The following DPH3 variants were observed in gnomAD, a reference collection of about 807,000 sequenced individuals.
The protein encoded by DPH3 is diphthamide biosynthesis protein 3.
Under a neutral mutation model 10.2 loss-of-function variants are expected in DPH3, and 8 were observed. The observed-to-expected ratio is 0.79, with a 90% CI of 0.46 to 1.42. The LOEUF is 1.42. DPH3 is among the 40% of genes most tolerant of loss of function. The pLI, the probability that DPH3 is intolerant of heterozygous loss-of-function variation, is 0.00. For missense variants in DPH3, 96 were observed against 98.9 expected (o/e 0.97, Z 0.12); for synonymous variants, 35 against 35.6 (o/e 0.98, Z 0.06).
rs2064296422 is a variant in DPH3, at chr3:16,262,144, C to A, written c.184-1315G>T. Among the ~76,000 whole-genome samples, 1 of 152,218 alleles carries A rather than the reference C, an allele frequency of 6.6e-6. No homozygotes were observed. The highest frequency in any genetic ancestry group is 2.4e-5 in the African/African-American group (1 of 41,458). The stretch of plus-strand genomic sequence containing the variant: ...GGCTGAATTTCTACCACCTTAAACC[C>A]TCTCTTGATCCTCTATCACCACTGG... On this transcript the variant is annotated intron_variant, in intron 2 of 2. Transcript: ENST00000488423. The surrounding 1 kb of genome is among the most constrained non-coding windows in gnomAD (Gnocchi z 4.7).
intron 1 of DPH3, 55 bp from the exon 2 acceptor site, chr3:16,264,284 C>A (rs1043743039): frequency 7.0e-6 from 10 of 1,422,690 alleles, no homozygotes; most frequent in Non-Finnish European, 9.7e-6. Context: ...GCCATCTCCT[C>A]CCCCAAACCT....
At chr3:16,264,516 G>A in intron 1 of DPH3, 1 of 576,908 alleles carries the variant, frequency 1.7e-6, no homozygotes, top group Non-Finnish European at 3.1e-6. Context: ...GGGACCCTAA[G>A]GCAGGGATCG....
intron 2 of DPH3, 90 bp from the exon 3 acceptor site, chr3:16,260,919 C>G: frequency 8.7e-7 from 1 of 1,144,142 alleles, no homozygotes; most frequent in Non-Finnish European, 1.3e-6. Flanking sequence ...AGCATCAATC[C>G]AGCGCTGTTA....
chr3:16,259,277 ACT>A lies in DPH3; in HGVS notation c.*1485_*1486del, dbSNP rs1177316880. 2 of 152,230 alleles carry A rather than the reference ACT, an allele frequency of 1.3e-5. No individual in the cohort carries two copies. Among genetic ancestry groups the A allele is most frequent in the Non-Finnish European group, 2.9e-5 (2 of 68,036 alleles). The allele number at this position is 152,230 out of a possible 1,614,324, so 9.4% of individuals were successfully genotyped here. A position where few individuals can be genotyped will look rare whatever the true frequency, so the allele number is the denominator to read the frequency against. ...ACATCCAGAATATGCCACATAATGT[ACT>A]GAGCATTTTCAGCTCGGTACATTAT... On this transcript the variant is annotated 3_prime_UTR_variant, in exon 3 of 3. Transcript: ENST00000488423.
chr3:16,257,547 C>A lies in DPH3; in HGVS notation c.*3217G>T, dbSNP rs2064259910. Among the ~76,000 whole-genome samples the A allele has an allele frequency of 6.6e-6, 1 of 152,200 alleles. No individual in the cohort carries two copies. Among genetic ancestry groups the A allele is most frequent in the South Asian group, 2.1e-4 (1 of 4,826 alleles). Reference sequence around the variant, plus strand: ...CAGAATGAATGGGTTCACACAGCAACCCTGTCAAAGAGGTACTATGATCCA... The same window carrying A: ...CAGAATGAATGGGTTCACACAGCAAACCTGTCAAAGAGGTACTATGATCCA... On this transcript the variant is annotated 3_prime_UTR_variant, in exon 3 of 3. Coordinates refer to ENST00000488423, the MANE Select transcript of DPH3 (RefSeq NM_206831.3).
chr3:16,263,783 C>T lies in DPH3; in HGVS notation c.183+372G>A, dbSNP rs577355400. The stretch of plus-strand genomic sequence containing the variant: ...GCAGAATTCTGTGTATAAGCCAGCA[C>T]GAAATACCATACAATTGTTCCCTTC... On this transcript the variant is annotated intron_variant, in intron 2 of 2. Transcript: ENST00000488423. This position sits in a 1 kb window ranked among gnomAD's most constrained non-coding sequence, Gnocchi z 4.0. Among the ~76,000 whole-genome samples the T allele has an allele frequency of 1.3e-5, 2 of 152,184 alleles. No individual in the cohort carries two copies. The highest frequency in any genetic ancestry group is 2.4e-5 in the African/African-American group (1 of 41,502).
Position 16,260,153 on chromosome 3 carries a change from C to A in DPH3, c.*611G>T, listed in dbSNP as rs989563829. ...ACTTTTAGCTCTGGAGACATTGTGACCTCACTGTATTTTCTCTTTAATACT... is the reference window on the plus strand; with the variant it reads ...ACTTTTAGCTCTGGAGACATTGTGAACTCACTGTATTTTCTCTTTAATACT... On this transcript the variant is annotated 3_prime_UTR_variant, in exon 3 of 3. Transcript: ENST00000488423. 2 of 152,214 alleles carry A rather than the reference C, an allele frequency of 1.3e-5. No individual in the cohort carries two copies. Among genetic ancestry groups the A allele is most frequent in the African/African-American group, 4.8e-5 (2 of 41,444 alleles). 9.4% of individuals were successfully genotyped at this position (152,214 alleles called of 1,614,324 possible).
In DPH3 at chr3:16,263,668, A is replaced by G. The variant is rs1204383787; in HGVS notation, c.183+487T>C. ...AATAACATTTTTTTTTTCTATTGTC[A>G]ACATCCTTGGGTGAAAGATAATAGG... On this transcript the variant is annotated intron_variant, in intron 2 of 2. Transcript: ENST00000488423. This position sits in a 1 kb window ranked among gnomAD's most constrained non-coding sequence, Gnocchi z 4.0. 2.6e-5 allele frequency among the ~76,000 whole-genome samples: 4 copies of G among 152,186 alleles called. No homozygotes were observed. Among genetic ancestry groups the G allele is most frequent in the Non-Finnish European group, 5.9e-5 (4 of 67,998 alleles).
rs2124929569 is a variant in DPH3 at position 16,257,185 on chromosome 3, A to G, written c.*3579T>C. On this transcript the variant is annotated 3_prime_UTR_variant, in exon 3 of 3. Transcript: ENST00000488423. ...AATTCCTTTCGGAGTTAGAATAGTT[A>G]ACCATTTTTTGCACATGACAGGCAT... Among the ~76,000 whole-genome samples, 1 of 152,366 alleles carries G rather than the reference A, an allele frequency of 6.6e-6. No homozygotes were observed. Among genetic ancestry groups the G allele is most frequent in the Non-Finnish European group, 1.5e-5 (1 of 68,032 alleles).
At position 16,261,780 on chromosome 3, in the gene DPH3, G is replaced by A. The variant is rs2064293965; in HGVS notation, c.184-951C>T. On this transcript the variant is annotated intron_variant, in intron 2 of 2. Transcript: ENST00000488423. This position sits in a 1 kb window ranked among gnomAD's most constrained non-coding sequence, Gnocchi z 7.1. Reference sequence around the variant, plus strand: ...CTGTGTTCTCAGAGTCCTAGTACCAGAGGGATTGGAAGTGGGGCTAGTTCC... The same window carrying A: ...CTGTGTTCTCAGAGTCCTAGTACCAAAGGGATTGGAAGTGGGGCTAGTTCC... Among the ~76,000 whole-genome samples the A allele has an allele frequency of 6.6e-6, 1 of 152,166 alleles. No individual in the cohort carries two copies. Among genetic ancestry groups the A allele is most frequent in the Admixed American group, 6.5e-5 (1 of 15,274 alleles).
chr3:16,263,403 A>G lies in DPH3; in HGVS notation c.183+752T>C, dbSNP rs890654952. Among the ~76,000 whole-genome samples the G allele has an allele frequency of 6.6e-6, 1 of 152,194 alleles. No individual in the cohort carries two copies. Among genetic ancestry groups the G allele is most frequent in the Non-Finnish European group, 1.5e-5 (1 of 68,038 alleles). The stretch of plus-strand genomic sequence containing the variant: ...ATGGAAAACTGCAACTTCCTCCCAG[A>G]CCAGCACTCCTGATCTTCCTTACCG... On this transcript the variant is annotated intron_variant, in intron 2 of 2. Coordinates refer to ENST00000488423, the MANE Select transcript of DPH3 (RefSeq NM_206831.3). This position sits in a 1 kb window ranked among gnomAD's most constrained non-coding sequence, Gnocchi z 4.0.
Position 16,260,569 on chromosome 3 carries a change from T to G in DPH3, c.*195A>C, listed in dbSNP as rs2064285685. 2 of 495,868 alleles carry G rather than the reference T, an allele frequency of 4.0e-6. No homozygotes were observed. The highest frequency in any genetic ancestry group is 7.4e-6 in the Non-Finnish European group (2 of 270,552). The allele number at this position is 495,868 out of a possible 1,614,324, so 30.7% of individuals were successfully genotyped here. On this transcript the variant is annotated 3_prime_UTR_variant, in exon 3 of 3. Transcript: ENST00000488423. ...TAAGAATGCTTCCAATTTAAGGTTC[T>G]AAGCACAAAATCCAGATATGTCATG...
In DPH3 at chr3:16,264,842, T is replaced by G. The variant is rs764310617; in HGVS notation, c.35A>C (p.Asp12Ala). Residue 12 changes from aspartate (D) to alanine (A), a missense_variant, in exon 1 of 3, where the codon GAC becomes GCC. Asp to Ala is a moderately radical substitution (Grantham distance 126, BLOSUM62 -2). Transcript: ENST00000488423. ...CTCCGAGTCCTCGTCATATTGGAAGTCCTCGATTTCCACCTCGTCATGAAA... is the reference window on the plus strand; with the variant it reads ...CTCCGAGTCCTCGTCATATTGGAAGGCCTCGATTTCCACCTCGTCATGAAA... The part of the protein sequence containing the change: ...AVFHDEVEIE[D>A]FQYDEDSETY... The G allele has an allele frequency of 1.9e-5, 31 of 1,614,214 alleles. No individual in the cohort carries two copies. In the Admixed American group the frequency reaches 5.2e-4, roughly 27 times the overall value.
chr3:16,258,376 A>T lies in DPH3; in HGVS notation c.*2388T>A, dbSNP rs887876987. On this transcript the variant is annotated 3_prime_UTR_variant, in exon 3 of 3. Coordinates refer to ENST00000488423, the MANE Select transcript of DPH3 (RefSeq NM_206831.3). ...AGATTACGAAGCTAAAAAGAGACAT[A>T]GCCTGGATTACAAGTCAGTTTTTAT... The T allele has an allele frequency of 6.6e-6, 1 of 152,234 alleles. No individual in the cohort carries two copies. Among genetic ancestry groups the T allele is most frequent in the Non-Finnish European group, 1.5e-5 (1 of 68,048 alleles). 9.4% of individuals were successfully genotyped at this position (152,234 alleles called of 1,614,324 possible). A position where few individuals can be genotyped will look rare whatever the true frequency, so the allele number is the denominator to read the frequency against.
chr3:16,263,479 TTCTAAATTATAG>T lies in DPH3; in HGVS notation c.183+664_183+675del, dbSNP rs2064322027. On this transcript the variant is annotated intron_variant, in intron 2 of 2. Coordinates refer to ENST00000488423, the MANE Select transcript of DPH3 (RefSeq NM_206831.3). This position sits in a 1 kb window ranked among gnomAD's most constrained non-coding sequence, Gnocchi z 4.0. ...TTAATACAAGAATGAATCATTATAT[TTCTAAATTATAG>T]TCTAAATTATAGCCCGCTTCTCTCA... 6.6e-6 allele frequency among the ~76,000 whole-genome samples: 1 copy of T among 152,212 alleles called. No homozygotes were observed. Among genetic ancestry groups the T allele is most frequent in the Non-Finnish European group, 1.5e-5 (1 of 68,032 alleles).
chr3:16,259,199 T>A lies in DPH3; in HGVS notation c.*1565A>T, dbSNP rs545314372. The A allele has an allele frequency of 6.6e-6, 1 of 152,372 alleles. No homozygotes were observed. The highest frequency in any genetic ancestry group is 1.9e-4 in the East Asian group (1 of 5,188). The allele number at this position is 152,372 out of a possible 1,614,324, so 9.4% of individuals were successfully genotyped here. On this transcript the variant is annotated 3_prime_UTR_variant, in exon 3 of 3. Transcript: ENST00000488423. Reference sequence around the variant, plus strand: ...AGTCACTTTGCTTTTGCAAAGCAGTTGTGGATTACTTCTGGGATGTCAGTG... The same window carrying A: ...AGTCACTTTGCTTTTGCAAAGCAGTAGTGGATTACTTCTGGGATGTCAGTG...
In DPH3 at chr3:16,257,090, T is replaced by TA. The variant is rs2064254809; in HGVS notation, c.*3673dup. The stretch of plus-strand genomic sequence containing the variant: ...GAGCCAAATTAACCTTTATTCTTGA[T>TA]AAATTATCCAGTCTCAGGTATTGTT... On this transcript the variant is annotated 3_prime_UTR_variant, in exon 3 of 3. Transcript: ENST00000488423. 6.6e-6 allele frequency among the ~76,000 whole-genome samples: 1 copy of TA among 152,340 alleles called. No individual in the cohort carries two copies. The highest frequency in any genetic ancestry group is 2.4e-5 in the African/African-American group (1 of 41,590).
At chr3:16,264,621 GT>G in intron 1 of DPH3, 147 bp downstream of exon 1, 1 of 765,754 alleles carries the variant, frequency 1.3e-6, no homozygotes, top group East Asian at 2.7e-5. Flanking sequence ...ATTAGTTGGG[GT>G]GGGGGGACGC....
At chr3:16,264,258 A>T (rs1289301845) in intron 1 of DPH3, 29 bp from the exon 2 acceptor site, 1 of 1,571,598 alleles carries the variant, frequency 6.4e-7, no homozygotes, top group African/African-American at 1.4e-5. Flanking sequence ...CCATGTGGTC[A>T]GGATAGCTTC....
Sources: gnomAD v4.1 joint callset for allele counts (sites outside exome capture counted in the v4.1 genomes callset) on GRCh38, gnomAD v4.1.1 for gene constraint, Gnocchi (gnomAD v3.1) non-coding constraint, MANE v1.5 for transcripts, NCBI Gene and HGNC (gene_info 2026-07-23, HGNC 2026-07-21) for gene names.